The following PCDHA11 variants were observed in gnomAD, a reference collection of about 807,000 sequenced individuals.
PCDHA11 encodes protocadherin alpha-11.
A neutral mutation model predicts 70.3 loss-of-function variants in PCDHA11; 61 were observed. The ratio of observed to expected loss-of-function variants is 0.87; its 90% CI spans 0.71 to 1.07. The LOEUF (loss-of-function observed/expected upper bound fraction) is 1.07. Ranked by LOEUF, PCDHA11 falls within the 50% of genes least tolerant of loss-of-function variation. PCDHA11 has a pLI of 0.00. For synonymous variants in PCDHA11, 633 were observed against 555.1 expected (o/e 1.14, Z -1.97); for missense variants, 1,324 against 1,237.5 (o/e 1.07, Z -1.05).
intron 1 of PCDHA11, chr5:140,882,232 T>C: frequency 1.9e-6 from 3 of 1,575,806 alleles, no homozygotes; most frequent in African/African-American, 1.4e-5. Context: ...AGGCGTTGTA[T>C]ATATTGCAGA....
At chr5:140,955,190 A>G (rs1269758289) in intron 1 of PCDHA11, among the ~76,000 whole-genome samples, 2 of 152,050 alleles carry the variant, frequency 1.3e-5, no homozygotes, top group Admixed American at 6.6e-5. Flanking sequence ...TGTGGTGTAT[A>G]TGAAGTCAAT....
chr5:140,961,278 C>T (rs1205288915), intron 1 of PCDHA11, among the ~76,000 whole-genome samples: 1 of 152,192 alleles, frequency 6.6e-6, no homozygotes, highest in Non-Finnish European at 1.5e-5. Context: ...TTTACCATGG[C>T]TCTGTTTCTT....
intron 1 of PCDHA11, among the ~76,000 whole-genome samples, chr5:140,954,551 T>C (rs2095055563): frequency 6.6e-6 from 1 of 152,250 alleles, no homozygotes; most frequent in South Asian, 2.1e-4. Context: ...ATATGTTTGT[T>C]GGCTGCATGA....
chr5:140,876,473 G>A, intron 1 of PCDHA11: 1 of 1,614,038 alleles, frequency 6.2e-7, no homozygotes, highest in South Asian at 1.1e-5. Context: ...GCAGGTCACA[G>A]CATGGTCCTG....
chr5:141,003,741 A>G (rs1291595687), intron 3 of PCDHA11, among the ~76,000 whole-genome samples: 5 of 152,180 alleles, frequency 3.3e-5, no homozygotes, highest in South Asian at 2.1e-4. Flanking sequence ...AAGCAAAACC[A>G]TATTTTGTAT....
intron 1 of PCDHA11, chr5:140,927,936 A>G: frequency 6.2e-7 from 1 of 1,614,246 alleles, no homozygotes; most frequent in East Asian, 2.2e-5. Context: ...TTTCGAACCC[A>G]GTACCTGAGG....
Position 140,871,109 on chromosome 5 carries a change from T to C in PCDHA11, c.2006T>C (p.Val669Ala). 3 of 1,613,236 alleles carry C rather than the reference T, an allele frequency of 1.9e-6. No individual in the cohort carries two copies. The highest frequency in any genetic ancestry group is 2.5e-6 in the Non-Finnish European group (3 of 1,179,860). ...ACGGCCACCGTGCTGGTGTCGTTGG[T>C]GGAGAGCGGACAGGCGCCAAAGGCC... Reference protein sequence around the residue: ...TATATVLVSLVESGQAPKASS... With the variant: ...TATATVLVSLAESGQAPKASS... The change falls in exon 1 of 4, where the codon GTG becomes GCG. Residue 669 changes from valine to alanine, a missense_variant. Coordinates refer to ENST00000398640, the MANE Select transcript of PCDHA11 (RefSeq NM_018902.5).
chr5:140,961,400 C>T (rs929653995), intron 1 of PCDHA11, among the ~76,000 whole-genome samples: 10 of 152,186 alleles, frequency 6.6e-5, no homozygotes, highest in African/African-American at 2.4e-4. Context: ...TTAGTAAACA[C>T]TTTTTGGCAT....
At chr5:140,973,833 T>C (rs1332537198) in intron 1 of PCDHA11, among the ~76,000 whole-genome samples, 1 of 152,242 alleles carries the variant, frequency 6.6e-6, no homozygotes, top group Non-Finnish European at 1.5e-5. Context: ...TCTGGGTACT[T>C]GCTTGTTGCC....
intron 3 of PCDHA11, 111 bp downstream of exon 3, chr5:140,982,674 A>G (rs1399250735): frequency 3.4e-6 from 5 of 1,450,700 alleles, no homozygotes; most frequent in Admixed American, 2.7e-5. Context: ...TATTTTTGTT[A>G]TTCCCTTTTT....
chr5:140,918,748 C>T (rs1303112000), intron 1 of PCDHA11, among the ~76,000 whole-genome samples: 1 of 152,110 alleles, frequency 6.6e-6, no homozygotes, highest in Non-Finnish European at 1.5e-5. Flanking sequence ...ATAAAAGAGG[C>T]CCAGAGAGGT....
rs782501180 is a variant in PCDHA11 at position 140,871,311 on chromosome 5, C to A, written c.2208C>A (p.Pro736=). The A allele has an allele frequency of 6.2e-7, 1 of 1,613,922 alleles. No homozygotes were observed. Among genetic ancestry groups the A allele is most frequent in the African/African-American group, 1.3e-5 (1 of 74,950 alleles). ...PTEGACAPGK[P]TLVCSRAVGS... ...AGGGCGCGTGCGCGCCGGGGAAGCC[C>A]ACGCTGGTGTGCTCCCGCGCGGTGG... The change falls in exon 1 of 4, where the codon CCC becomes CCA. Residue 736 remains proline, a synonymous_variant. Transcript: ENST00000398640.
At chr5:140,961,205 T>C (rs1215243152) in intron 1 of PCDHA11, among the ~76,000 whole-genome samples, 2 of 152,172 alleles carry the variant, frequency 1.3e-5, no homozygotes, top group Non-Finnish European at 2.9e-5. Context: ...GAGGTTGGTA[T>C]TGATGAAGAA....
At chr5:140,881,867 G>A (rs2058853547) in intron 1 of PCDHA11, among the ~76,000 whole-genome samples, 1 of 152,166 alleles carries the variant, frequency 6.6e-6, no homozygotes, top group Non-Finnish European at 1.5e-5. Flanking sequence ...TAAATTTGTG[G>A]CAAAATGAAA....
At chr5:140,877,910 T>A in intron 1 of PCDHA11, 2 of 1,431,310 alleles carry the variant, frequency 1.4e-6, no homozygotes, top group African/African-American at 2.9e-5. Flanking sequence ...AACTACATTC[T>A]CTCATTTTTC....
In PCDHA11 at chr5:140,870,190, C is replaced by T. The variant is rs1554163883; in HGVS notation, c.1087C>T (p.Gln363Ter). 15 of 1,614,174 alleles carry T rather than the reference C, an allele frequency of 9.3e-6. No individual in the cohort carries two copies. The highest frequency in any genetic ancestry group is 1.1e-5 in the Non-Finnish European group (13 of 1,180,044). ...SLSLPVREDA[Q>*]PSTVIALISV... ...GTCCCTCCCAGTACGAGAGGACGCT[C>T]AGCCCAGCACGGTCATTGCCCTGAT... Residue 363 changes from glutamine (Q) to a stop codon, truncating the protein, a stop_gained, in exon 1 of 4, where the codon CAG becomes TAG. Coordinates refer to ENST00000398640, the MANE Select transcript of PCDHA11 (RefSeq NM_018902.5). LOFTEE classifies it high-confidence loss of function.
intron 3 of PCDHA11, among the ~76,000 whole-genome samples, chr5:140,992,192 C>T (rs2097497943): frequency 6.6e-6 from 1 of 152,124 alleles, no homozygotes; most frequent in Admixed American, 6.5e-5. Flanking sequence ...TTTCAGTGAT[C>T]TATCCAATCA....
intron 1 of PCDHA11, among the ~76,000 whole-genome samples, chr5:140,888,848 CAG>C (rs1554183676): frequency 6.6e-6 from 1 of 151,980 alleles, no homozygotes; most frequent in African/African-American, 2.4e-5. Context: ...AGCCTGGTGA[CAG>C]AGTGAGACCA....
At chr5:140,952,621 T>C (rs1002649302) in intron 1 of PCDHA11, among the ~76,000 whole-genome samples, 3 of 152,168 alleles carry the variant, frequency 2.0e-5, no homozygotes, top group Admixed American at 2.0e-4. Context: ...TCATCTTCCC[T>C]CCACACTATT....
Sources: gnomAD v4.1 joint callset for allele counts (sites outside exome capture counted in the v4.1 genomes callset) on GRCh38, gnomAD v4.1.1 for gene constraint, MANE v1.5 for transcripts, NCBI Gene and HGNC (gene_info 2026-07-23, HGNC 2026-07-21) for gene names.